The following SLC41A2 variants were observed in gnomAD, a reference collection of about 807,000 sequenced individuals.
The protein encoded by SLC41A2 is solute carrier family 41 member 2, also known as SLC41A1-like 1.
SLC41A2 carries 32 observed loss-of-function variants against 58.3 expected under a neutral mutation model. The observed-to-expected ratio is 0.55, with a 90% CI of 0.41 to 0.74. SLC41A2 has a LOEUF of 0.74. SLC41A2 is among the 30% of genes least tolerant of loss of function. SLC41A2 has a pLI of 0.00. For synonymous variants in SLC41A2, 190 were observed against 235.0 expected (o/e 0.81, Z 1.75); for missense variants, 514 against 680.6 (o/e 0.76, Z 2.72).
At chr12:104,862,594 A>G (rs1003993906) in intron 7 of SLC41A2, among the ~76,000 whole-genome samples, 5 of 152,208 alleles carry the variant, frequency 3.3e-5, no homozygotes, top group African/African-American at 1.2e-4. Context: ...TAGTTACACC[A>G]TTGAGTTACA....
chr12:104,909,448 G>A (rs538411605), intron 3 of SLC41A2, among the ~76,000 whole-genome samples: 1 of 152,218 alleles, frequency 6.6e-6, no homozygotes, highest in African/African-American at 2.4e-5. Context: ...ATCAAAGGAG[G>A]CAAGTAACTA....
intron 10 of SLC41A2, among the ~76,000 whole-genome samples, chr12:104,830,390 T>C (rs1169395589): frequency 6.6e-6 from 1 of 152,216 alleles, no homozygotes; most frequent in Non-Finnish European, 1.5e-5. Flanking sequence ...TAATACCTAA[T>C]ATAATGCCAA....
chr12:104,868,386 C>T (rs920998613), intron 6 of SLC41A2, among the ~76,000 whole-genome samples: 6 of 152,176 alleles, frequency 3.9e-5, no homozygotes, highest in African/African-American at 1.4e-4. Context: ...CCCTGCTAGA[C>T]TTTAAAGAAG....
intron 1 of SLC41A2, among the ~76,000 whole-genome samples, chr12:104,950,808 C>T (rs535008082): frequency 6.6e-6 from 1 of 152,102 alleles, no homozygotes; most frequent in African/African-American, 2.4e-5. Context: ...TATTACCCAA[C>T]TTGAGAAGAC....
chr12:104,919,165 T>C (rs183152187), intron 2 of SLC41A2, among the ~76,000 whole-genome samples: 1 of 152,352 alleles, frequency 6.6e-6, no homozygotes, highest in East Asian at 1.9e-4. Context: ...TCTAGGTTGT[T>C]GCATGTGTCA....
chr12:104,909,876 T>A, intron 2 of SLC41A2, 114 bp from the exon 3 acceptor site: 1 of 643,940 alleles, frequency 1.6e-6, no homozygotes, highest in Non-Finnish European at 2.6e-6. Flanking sequence ...ACATTTTGAA[T>A]AACCACACAG....
At chr12:104,830,496 A>T (rs1299686916) in intron 10 of SLC41A2, among the ~76,000 whole-genome samples, 1 of 152,062 alleles carries the variant, frequency 6.6e-6, no homozygotes, top group Non-Finnish European at 1.5e-5. Flanking sequence ...AATATTTTTG[A>T]TCCAAGGTTA....
Position 104,909,738 on chromosome 12 carries a change from T to C in SLC41A2, c.580A>G (p.Thr194Ala). Residue 194 changes from threonine (T) to alanine (A), a missense_variant, in exon 3 of 11, where the codon ACA becomes GCA. Transcript: ENST00000258538. ...GCAGGGACTAAAATGAAAACTTCTG[T>C]AACTTTTCTGAACACCTCCCAGTGC... is the stretch of plus-strand genomic sequence containing the variant. ...VQHWEVFRKV[T>A]EVFILVPALL... The C allele has an allele frequency of 2.5e-6, 4 of 1,608,620 alleles. No individual in the cohort carries two copies. The highest frequency in any genetic ancestry group is 3.4e-6 in the Non-Finnish European group (4 of 1,178,380).
Position 104,877,938 on chromosome 12 carries a change from G to A in SLC41A2, c.1027+8355C>T, listed in dbSNP as rs576131173. 5.6e-4 allele frequency among the ~76,000 whole-genome samples: 85 copies of A among 152,128 alleles called. No homozygotes were observed. In the South Asian group the frequency reaches 0.017, roughly 31 times the overall value. Reference sequence around the variant, plus strand: ...GCACGACCATCACTTGAACCCCGGAGGCAGAGGTCTCAGTGAGCCAAGATC... The same window carrying A: ...GCACGACCATCACTTGAACCCCGGAAGCAGAGGTCTCAGTGAGCCAAGATC... On this transcript the variant is annotated intron_variant, in intron 6 of 10. Coordinates refer to ENST00000258538, the MANE Select transcript of SLC41A2 (RefSeq NM_001352171.3).
At chr12:104,821,218 G>C (rs1365058996) in intron 10 of SLC41A2, among the ~76,000 whole-genome samples, 4 of 152,002 alleles carry the variant, frequency 2.6e-5, no homozygotes, top group Admixed American at 6.5e-5. Flanking sequence ...TATAGAGAGA[G>C]AGTTGGTTTC....
intron 8 of SLC41A2, among the ~76,000 whole-genome samples, chr12:104,855,295 C>T (rs1475802902): frequency 1.3e-5 from 2 of 152,204 alleles, no homozygotes; most frequent in Non-Finnish European, 2.9e-5. Context: ...GTACCCACCA[C>T]TCAGTTTAAG....
At chr12:104,884,290 C>T (rs571413343) in intron 6 of SLC41A2, among the ~76,000 whole-genome samples, 8 of 152,284 alleles carry the variant, frequency 5.3e-5, no homozygotes, top group South Asian at 4.1e-4. Context: ...TGACCCCTTG[C>T]GCTTCCCTGG....
chr12:104,872,916 T>A (rs2043857254), intron 6 of SLC41A2, among the ~76,000 whole-genome samples: 1 of 152,174 alleles, frequency 6.6e-6, no homozygotes, highest in South Asian at 2.1e-4. Context: ...AACTTGGTGT[T>A]TTCATAGACA....
chr12:104,843,663 T>C (rs766434838), intron 10 of SLC41A2, among the ~76,000 whole-genome samples: 1 of 152,130 alleles, frequency 6.6e-6, no homozygotes, highest in Non-Finnish European at 1.5e-5. Context: ...CTAAAATATA[T>C]TTATTACTAA....
intron 8 of SLC41A2, among the ~76,000 whole-genome samples, chr12:104,848,466 A>G (rs1038156798): frequency 1.3e-5 from 2 of 152,114 alleles, no homozygotes; most frequent in Non-Finnish European, 2.9e-5. Flanking sequence ...AAGAACAGAA[A>G]TCAATGAAAT....
chr12:104,931,800 A>T (rs973078311), intron 1 of SLC41A2: 2 of 152,294 alleles, frequency 1.3e-5, no homozygotes, highest in African/African-American at 4.8e-5. Context: ...ATCTACAGAA[A>T]GAGGGAATCA....
chr12:104,839,500 C>CA (rs1555200065), intron 10 of SLC41A2, among the ~76,000 whole-genome samples: 3 of 145,576 alleles, frequency 2.1e-5, no homozygotes, highest in Admixed American at 6.9e-5. Context: ...TTCAGTTTTT[C>CA]TTTTTTTTTT....
At chr12:104,886,567 A>C (rs2044676381) in intron 5 of SLC41A2, 128 bp from the exon 6 acceptor site, 1 of 906,350 alleles carries the variant, frequency 1.1e-6, no homozygotes, top group Non-Finnish European at 1.6e-6. Context: ...TAAGCTGACT[A>C]AAGCAAACAA....
At chr12:104,816,504 G>A (rs954626471) in intron 10 of SLC41A2, among the ~76,000 whole-genome samples, 1 of 152,172 alleles carries the variant, frequency 6.6e-6, no homozygotes, top group Admixed American at 6.5e-5. Flanking sequence ...CTCTCCAGGG[G>A]ACATGGAGGC....
Sources: gnomAD v4.1 joint callset for allele counts (sites outside exome capture counted in the v4.1 genomes callset) on GRCh38, gnomAD v4.1.1 for gene constraint, MANE v1.5 for transcripts, NCBI Gene and HGNC (gene_info 2026-07-23, HGNC 2026-07-21) for gene names.